SPEF2: variants seen among roughly 807,000 people sequenced by gnomAD.
SPEF2 encodes sperm flagella and cilia-associated protein 2.
Under a neutral mutation model 224.6 loss-of-function variants are expected in SPEF2, and 187 were observed. The ratio of observed to expected loss-of-function variants is 0.83; its 90% CI spans 0.74 to 0.94. The LOEUF (loss-of-function observed/expected upper bound fraction) is 0.94, where lower values mean the gene tolerates loss of function less well. SPEF2 is among the 40% of genes least tolerant of loss of function. SPEF2 has a pLI of 0.00. For missense variants in SPEF2, 2,170 were observed against 2,135.6 expected (o/e 1.02, Z -0.32); for synonymous variants, 715 against 707.3 (o/e 1.01, Z -0.17).
intron 29 of SPEF2, among the ~76,000 whole-genome samples, chr5:35,777,304 T>C (rs1298659480): frequency 6.6e-6 from 1 of 152,106 alleles, no homozygotes; most frequent in Non-Finnish European, 1.5e-5. Context: ...GAACTATTGC[T>C]CCATAGTAAA....
chr5:35,689,572 G>A (rs954011570), intron 10 of SPEF2, among the ~76,000 whole-genome samples: 3 of 152,070 alleles, frequency 2.0e-5, no homozygotes, highest in Non-Finnish European at 4.4e-5. Context: ...TATACTCAAT[G>A]TTTAGCTCTC....
intron 1 of SPEF2, among the ~76,000 whole-genome samples, chr5:35,619,631 C>T (rs556500278): frequency 3.6e-4 from 54 of 152,104 alleles, no homozygotes; most frequent in Non-Finnish European, 3.2e-4. Flanking sequence ...GAGCCGAGAT[C>T]GCGCCACTGC....
At chr5:35,661,236 T>A (rs1356242462) in intron 8 of SPEF2, among the ~76,000 whole-genome samples, 1 of 132,720 alleles carries the variant, frequency 7.5e-6, no homozygotes, top group Non-Finnish European at 1.6e-5. Context: ...AGAAAGGAGG[T>A]TTTTTTTTTG....
intron 19 of SPEF2, among the ~76,000 whole-genome samples, chr5:35,711,849 C>G (rs1580397276): frequency 1.3e-5 from 2 of 152,064 alleles, no homozygotes; most frequent in African/African-American, 4.8e-5. Context: ...GAGTCTGTCT[C>G]CATCACAGGC....
intron 21 of SPEF2, among the ~76,000 whole-genome samples, chr5:35,728,293 TG>T (rs565542690): frequency 3.9e-4 from 60 of 152,264 alleles, no homozygotes; most frequent in African/African-American, 1.4e-3. Context: ...GGAACGTTAA[TG>T]GGTATGCTGG....
In SPEF2 at chr5:35,654,667, AG is replaced by A; in HGVS notation, c.922del (p.Glu308ArgfsTer8). 1 of 1,613,646 alleles carries A rather than the reference AG, an allele frequency of 6.2e-7. No individual in the cohort carries two copies. The highest frequency in any genetic ancestry group is 1.1e-5 in the South Asian group (1 of 90,890). ...AGAAGATGCTTTTGCACGAGAGCAA[AG>A]GGAGAAAAGACGGCGGAAATTGTTA... Reference protein sequence around the residue: ...LEEDAFAREQREKRRRKLLMD... With the variant: ...LEEDAFAREQXEKRRRKLLMD... On this transcript the variant is annotated frameshift_variant, in exon 7 of 37. Coordinates refer to ENST00000356031, the MANE Select transcript of SPEF2 (RefSeq NM_024867.4). LOFTEE classifies it high-confidence loss of function.
chr5:35,620,588 A>G (rs1032161862), intron 1 of SPEF2, among the ~76,000 whole-genome samples: 1 of 152,212 alleles, frequency 6.6e-6, no homozygotes, highest in African/African-American at 2.4e-5. Flanking sequence ...GTTTATTGCT[A>G]CATGAATTAC....
At chr5:35,723,833 T>C (rs950392734) in intron 20 of SPEF2, among the ~76,000 whole-genome samples, 2 of 152,234 alleles carry the variant, frequency 1.3e-5, no homozygotes, top group Admixed American at 1.3e-4. Context: ...TGTGGCACAA[T>C]ATGCAAGGTC....
chr5:35,687,034 T>G (rs1476342817), intron 10 of SPEF2, among the ~76,000 whole-genome samples: 1 of 152,130 alleles, frequency 6.6e-6, no homozygotes, highest in Non-Finnish European at 1.5e-5. Context: ...GTTTTCAGCT[T>G]TGGTGTTATG....
At chr5:35,716,446 A>G (rs1008376526) in intron 20 of SPEF2, among the ~76,000 whole-genome samples, 1 of 152,142 alleles carries the variant, frequency 6.6e-6, no homozygotes, top group East Asian at 1.9e-4. Flanking sequence ...ATTAGGTACC[A>G]AAGCATCAAA....
intron 35 of SPEF2, 60 bp from the exon 36 acceptor site, chr5:35,807,071 T>G: frequency 6.4e-7 from 1 of 1,570,550 alleles, no homozygotes; most frequent in South Asian, 1.2e-5. Context: ...ATACAACCAT[T>G]TTTTTTAACA....
chr5:35,756,331 C>T (rs1750441497), intron 24 of SPEF2, among the ~76,000 whole-genome samples: 1 of 152,084 alleles, frequency 6.6e-6, no homozygotes, highest in Non-Finnish European at 1.5e-5. Context: ...GAAACTCATC[C>T]CCCATGGATA....
Position 35,646,658 on chromosome 5 carries a change from G to A in SPEF2, c.586-9G>A. ...TGAATCACTAAACTAATGTATATGG[G>A]ATATTCAGCAATACTTAAACAGAAG... On this transcript the variant is annotated splice_polypyrimidine_tract_variant and intron_variant, in intron 4 of 36. Coordinates refer to ENST00000356031, the MANE Select transcript of SPEF2 (RefSeq NM_024867.4). 6.2e-7 allele frequency: 1 copy of A among 1,612,296 alleles called. No individual in the cohort carries two copies. The highest frequency in any genetic ancestry group is 8.5e-7 in the Non-Finnish European group (1 of 1,179,044).
At chr5:35,703,119 CTCTT>C (rs1320571215) in intron 16 of SPEF2, among the ~76,000 whole-genome samples, 3 of 139,220 alleles carry the variant, frequency 2.2e-5, no homozygotes, top group East Asian at 4.0e-4. Context: ...TTTTTATTCT[CTCTT>C]TATTTATTTT....
At chr5:35,720,226 G>A (rs1276169820) in intron 20 of SPEF2, among the ~76,000 whole-genome samples, 1 of 152,166 alleles carries the variant, frequency 6.6e-6, no homozygotes, top group Non-Finnish European at 1.5e-5. Context: ...GATCATAGGA[G>A]TATACCTTGC....
At chr5:35,807,095 G>A (rs1230692629) in intron 35 of SPEF2, 36 bp from the exon 36 acceptor site, 2 of 1,595,372 alleles carry the variant, frequency 1.3e-6, no homozygotes, top group Non-Finnish European at 1.7e-6. Flanking sequence ...ACTGGATTGT[G>A]AGGTTGATTA....
At chr5:35,619,754 A>G (rs957317534) in intron 1 of SPEF2, among the ~76,000 whole-genome samples, 1 of 152,230 alleles carries the variant, frequency 6.6e-6, no homozygotes, top group African/African-American at 2.4e-5. Flanking sequence ...CTATTGCAAC[A>G]TTTTGAAATA....
At chr5:35,761,116 A>C (rs1751227387) in intron 25 of SPEF2, among the ~76,000 whole-genome samples, 1 of 152,216 alleles carries the variant, frequency 6.6e-6, no homozygotes, top group Non-Finnish European at 1.5e-5. Context: ...ATATTTTTAG[A>C]AGTTTGCTCA....
In SPEF2 at chr5:35,719,174, C is replaced by CTTT. The variant is rs1401997836; in HGVS notation, c.2914+6290_2914+6292dup. Reference sequence around the variant, plus strand: ...ATCCAGATTTTTACATTACTCATCCCTTTTGTTCTTTTTGACCTGGAGCCA... The same window carrying CTTT: ...ATCCAGATTTTTACATTACTCATCCCTTTTTTTGTTCTTTTTGACCTGGAGCCA... On this transcript the variant is annotated intron_variant, in intron 20 of 36. Coordinates refer to ENST00000356031, the MANE Select transcript of SPEF2 (RefSeq NM_024867.4). Among the ~76,000 whole-genome samples, 8 of 152,304 alleles carry CTTT rather than the reference C, an allele frequency of 5.3e-5. No individual in the cohort carries two copies. In the East Asian group the frequency reaches 1.5e-3, roughly 29 times the overall value.
Sources: allele counts gnomAD v4.1 joint callset (sites outside exome capture counted in the v4.1 genomes callset), GRCh38; gene constraint gnomAD v4.1.1; transcripts MANE v1.5; gene names NCBI Gene and HGNC (gene_info 2026-07-23, HGNC 2026-07-21).